CABLES2: variants seen among roughly 807,000 people sequenced by gnomAD.
CABLES2 encodes the protein CDK5 and ABL1 enzyme substrate 2.
Under a neutral mutation model 44.8 loss-of-function variants are expected in CABLES2, and 35 were observed. The observed-to-expected ratio is 0.78, with a 90% CI of 0.60 to 1.04. The LOEUF (loss-of-function observed/expected upper bound fraction) is 1.04, where lower values mean the gene tolerates loss of function less well. Ranked by LOEUF, CABLES2 falls within the 50% of genes least tolerant of loss-of-function variation. The probability of loss-of-function intolerance (pLI) is 0.00; values close to 1 mark genes in which losing one functional copy is unlikely to be tolerated. For missense variants in CABLES2, 566 were observed against 615.7 expected (o/e 0.92, Z 0.85); for synonymous variants, 282 against 281.1 (o/e 1.00, Z -0.03).
rs114213331 is a variant in CABLES2, at chr20:62,395,083, C to T, written c.528-69G>A. On this transcript the variant is annotated intron_variant, in intron 3 of 9. Coordinates refer to ENST00000279101, the MANE Select transcript of CABLES2 (RefSeq NM_031215.3). Reference sequence around the variant, plus strand: ...GCTCAAGGTACTGCTGCTTCCAGAGCTACAGACATTTCCATGGAAAATTCC... The same window carrying T: ...GCTCAAGGTACTGCTGCTTCCAGAGTTACAGACATTTCCATGGAAAATTCC... 3,346 of 1,187,912 alleles carry T rather than the reference C, an allele frequency of 2.8e-3. 64 individuals are homozygous for T. The African/African-American group carries it at 0.042, about 15-fold the overall frequency. The allele number at this position is 1,187,912 out of a possible 1,614,324, so 73.6% of individuals were successfully genotyped here. A position where few individuals can be genotyped will look rare whatever the true frequency, so the allele number is the denominator to read the frequency against.
At chr20:62,403,355 G>GT (rs1216567243) in intron 1 of CABLES2, 1 of 152,252 alleles carries the variant, frequency 6.6e-6, no homozygotes, top group Non-Finnish European at 1.5e-5. Context: ...GATGTCACAG[G>GT]TTAAGTCCTA....
chr20:62,402,267 T>G (rs6121571), intron 1 of CABLES2: 52,516 of 152,180 alleles, frequency 0.35, 10,017 homozygotes, highest in African/African-American at 0.5. Flanking sequence ...ACACTGTTTC[T>G]AGTGTTCGGT....
chr20:62,401,130 T>A (rs1188043389), intron 1 of CABLES2, among the ~76,000 whole-genome samples: 2 of 152,174 alleles, frequency 1.3e-5, no homozygotes, highest in African/African-American at 4.8e-5. Flanking sequence ...TCAGTTGGAA[T>A]GGTGGCCGCT....
chr20:62,404,459 T>A (rs1344683328), intron 1 of CABLES2: 1 of 152,264 alleles, frequency 6.6e-6, no homozygotes, highest in Non-Finnish European at 1.5e-5. Flanking sequence ...TTCAGGACTT[T>A]CAGAATTCTC....
rs1419373489 is a variant in CABLES2, at chr20:62,389,567, ATGTAT to A, written c.*1399_*1403del. On this transcript the variant is annotated 3_prime_UTR_variant, in exon 10 of 10. Coordinates refer to ENST00000279101, the MANE Select transcript of CABLES2 (RefSeq NM_031215.3). ...CACCAGTCTGCACAGAAAGCATAGG[ATGTAT>A]TGTATTAATGGGCTAGAGACAAAGT... 1.1e-4 allele frequency: 17 copies of A among 152,144 alleles called. No homozygotes were observed. Among genetic ancestry groups the A allele is most frequent in the African/African-American group, 3.9e-4 (16 of 41,414 alleles). 9.4% of individuals were successfully genotyped at this position (152,144 alleles called of 1,614,324 possible).
chr20:62,391,211 T>C lies in CABLES2; in HGVS notation c.1296+38A>G, dbSNP rs919532507. 11 of 1,603,082 alleles carry C rather than the reference T, an allele frequency of 6.9e-6. No homozygotes were observed. Among genetic ancestry groups the C allele is most frequent in the Non-Finnish European group, 9.4e-6 (11 of 1,172,854 alleles). On this transcript the variant is annotated intron_variant, in intron 9 of 9. Transcript: ENST00000279101. This position sits in a 1 kb window ranked among gnomAD's most constrained non-coding sequence, Gnocchi z 5.7. ...CAGCAGTGGCCCTGGCTCGATGTCA[T>C]GACCCTGCCTGCAGTGCCTGCCGAG...
rs760347786 is a variant in CABLES2, at chr20:62,391,041, A to G, written c.1367T>C (p.Leu456Ser). ...IGFEFTVLVA[L>S]ELALYLPENQ... ...CTCGGGAAGATACAGGGCCAGCTCC[A>G]AGGCCACGAGCACTGTGAACTCAAA... Residue 456 changes from leucine to serine, a missense_variant, in exon 10 of 10, where the codon TTG becomes TCG. Leu to Ser is a moderately radical substitution (Grantham distance 145). This residue lies in a region of CABLES2 where 436 missense variants were observed against 536.3 expected (regional missense o/e 0.81). Coordinates refer to ENST00000279101, the MANE Select transcript of CABLES2 (RefSeq NM_031215.3). The surrounding 1 kb of genome is among the most constrained non-coding windows in gnomAD (Gnocchi z 5.7). 2 of 1,614,146 alleles carry G rather than the reference A, an allele frequency of 1.2e-6. No individual in the cohort carries two copies. The highest frequency in any genetic ancestry group is 1.7e-6 in the Non-Finnish European group (2 of 1,180,024).
chr20:62,392,407 G>A lies in CABLES2; in HGVS notation c.1073C>T (p.Thr358Met), dbSNP rs1987935868. Reference protein sequence around the residue: ...FREKFPHVKLTLSKIRSLKRE... With the variant: ...FREKFPHVKLMLSKIRSLKRE... ...TCCTCACCTCCTGATTTTGCTCAGC[G>A]TCAGTTTGACATGGGGGAACTTCTC... Residue 358 changes from threonine (T) to methionine (M), a missense_variant, in exon 8 of 10, where the codon ACG becomes ATG. Around this residue, in one of 2 missense-constraint regions of CABLES2, gnomAD observed 436 missense variants for 536.3 expected, o/e 0.81. Coordinates refer to ENST00000279101, the MANE Select transcript of CABLES2 (RefSeq NM_031215.3). The A allele has an allele frequency of 2.5e-6, 4 of 1,613,882 alleles. No homozygotes were observed. The highest frequency in any genetic ancestry group is 1.6e-4 in the Middle Eastern group (1 of 6,062).
intron 1 of CABLES2, among the ~76,000 whole-genome samples, chr20:62,397,034 G>C (rs112582929): frequency 2.6e-5 from 4 of 152,144 alleles, no homozygotes; most frequent in African/African-American, 9.7e-5. Context: ...ACCATGGCAT[G>C]GGCAGGCGGG....
Position 62,407,158 on chromosome 20 carries a change from C to A in CABLES2, c.119G>T (p.Gly40Val). The A allele has an allele frequency of 9.9e-7, 1 of 1,007,846 alleles. No homozygotes were observed. The highest frequency in any genetic ancestry group is 4.4e-5 in the South Asian group (1 of 22,762). The allele number at this position is 1,007,846 out of a possible 1,614,324, so 62.4% of individuals were successfully genotyped here. The change falls in exon 1 of 10, where the codon GGG becomes GTG. Residue 40 changes from glycine to valine, a missense_variant. Gly to Val is a moderately radical substitution (Grantham distance 109). This residue lies in a region of CABLES2 where 130 missense variants were observed against 79.4 expected (regional missense o/e 1.64). Coordinates refer to ENST00000279101, the MANE Select transcript of CABLES2 (RefSeq NM_031215.3). The stretch of plus-strand genomic sequence containing the variant: ...CGCGGCCTGGCGGCGCCGCGAGTCC[C>A]CGCGCCTCCGCAGCGCCTGCGGCGG... ...RAPPQALRRR[G>V]DSRRRQAALF...
rs1987855332 is a variant in CABLES2 at position 62,388,983 on chromosome 20, T to A, written c.*1988A>T. The stretch of plus-strand genomic sequence containing the variant: ...GGCTTCACACATCACAAAGACCGGG[T>A]TGGTTAATGACTAAATCTCACTACA... On this transcript the variant is annotated 3_prime_UTR_variant, in exon 10 of 10. Coordinates refer to ENST00000279101, the MANE Select transcript of CABLES2 (RefSeq NM_031215.3). The A allele has an allele frequency of 2.5e-5, 4 of 161,814 alleles. No individual in the cohort carries two copies. Among genetic ancestry groups the A allele is most frequent in the Admixed American group, 6.0e-5 (1 of 16,740 alleles). 10.0% of individuals were successfully genotyped at this position (161,814 alleles called of 1,614,324 possible).
intron 1 of CABLES2, among the ~76,000 whole-genome samples, chr20:62,406,518 A>G (rs1391065839): frequency 3.3e-5 from 5 of 152,048 alleles, no homozygotes; most frequent in Non-Finnish European, 7.4e-5. Flanking sequence ...TTCAGGGGAC[A>G]ATGAACCCTA....
chr20:62,391,233 C>G lies in CABLES2; in HGVS notation c.1296+16G>C. ...TCATGACCCTGCCTGCAGTGCCTGC[C>G]GAGCCGGGCACTCACATCGATGAGC... is the stretch of plus-strand genomic sequence containing the variant. On this transcript the variant is annotated intron_variant, in intron 9 of 9. Transcript: ENST00000279101. This position sits in a 1 kb window ranked among gnomAD's most constrained non-coding sequence, Gnocchi z 5.7. 6.2e-7 allele frequency: 1 copy of G among 1,603,830 alleles called. No individual in the cohort carries two copies. Among genetic ancestry groups the G allele is most frequent in the Non-Finnish European group, 8.5e-7 (1 of 1,173,344 alleles).
Position 62,396,671 on chromosome 20 carries a change from G to A in CABLES2, c.363-79C>T, listed in dbSNP as rs558751904. 15 of 1,429,520 alleles carry A rather than the reference G, an allele frequency of 1.0e-5. No homozygotes were observed. In the African/African-American group the frequency reaches 1.1e-4, roughly 11 times the overall value. The allele number at this position is 1,429,520 out of a possible 1,614,324, so 88.6% of individuals were successfully genotyped here. A position where few individuals can be genotyped will look rare whatever the true frequency, so the allele number is the denominator to read the frequency against. ...TGTGGCCAGAAACCGAGTGCCGCCCGCTGTGCAGGGAAGGGCCACTCTCCA... is the reference window on the plus strand; with the variant it reads ...TGTGGCCAGAAACCGAGTGCCGCCCACTGTGCAGGGAAGGGCCACTCTCCA... On this transcript the variant is annotated intron_variant, in intron 1 of 9. Transcript: ENST00000279101. The surrounding 1 kb of genome is among the most constrained non-coding windows in gnomAD (Gnocchi z 5.7).
chr20:62,395,071 C>T, intron 3 of CABLES2, 57 bp from the exon 4 acceptor site: 2 of 1,282,218 alleles, frequency 1.6e-6, no homozygotes, highest in African/African-American at 1.5e-5. Context: ...CAAGGTACTG[C>T]TGCTTCCAGA....
At chr20:62,394,038 G>T (rs1484248668) in intron 5 of CABLES2, 119 bp downstream of exon 5, 2 of 823,792 alleles carry the variant, frequency 2.4e-6, no homozygotes, top group East Asian at 4.9e-5. Flanking sequence ...CCACCCTTGC[G>T]TTTTACGTGG....
In CABLES2 at chr20:62,394,965, G is replaced by C; in HGVS notation, c.577C>G (p.Leu193Val). ...ATCCGCAGGCCTTCCCCATAGGGCA[G>C]GACCGAGAAGGCCGCGCACAGGGAC... is the stretch of plus-strand genomic sequence containing the variant. ...KRSLCAAFSVLPYGEGLRISD... is the reference protein window; with the variant it reads ...KRSLCAAFSVVPYGEGLRISD... Residue 193 changes from leucine to valine, a missense_variant, in exon 4 of 10, where the codon CTG (leucine) becomes GTG (valine). Physicochemically the swap from Leu to Val is conservative, Grantham distance 32 (BLOSUM62 1). Transcript: ENST00000279101. The C allele has an allele frequency of 2.5e-6, 4 of 1,612,958 alleles. No homozygotes were observed. The highest frequency in any genetic ancestry group is 1.3e-5 in the African/African-American group (1 of 75,078).
chr20:62,406,728 C>T (rs1425726217), intron 1 of CABLES2, among the ~76,000 whole-genome samples, 187 bp downstream of exon 1: 1 of 150,582 alleles, frequency 6.6e-6, no homozygotes, highest in Non-Finnish European at 1.5e-5. Flanking sequence ...TGACAAGGCC[C>T]CAGGTGAACC....
At position 62,388,912 on chromosome 20, in the gene CABLES2, A is replaced by G; in HGVS notation, c.*2059T>C. 1 of 185,606 alleles carries G rather than the reference A, an allele frequency of 5.4e-6. No individual in the cohort carries two copies. Among genetic ancestry groups the G allele is most frequent in the East Asian group, 1.6e-4 (1 of 6,396 alleles). The allele number at this position is 185,606 out of a possible 1,614,324, so 11.5% of individuals were successfully genotyped here. On this transcript the variant is annotated 3_prime_UTR_variant, in exon 10 of 10. Coordinates refer to ENST00000279101, the MANE Select transcript of CABLES2 (RefSeq NM_031215.3). ...TTGCAATAATCCTCGAATACCACACAGTGGCAGCTTTTGGCATCATAAAAA... is the reference window on the plus strand; with the variant it reads ...TTGCAATAATCCTCGAATACCACACGGTGGCAGCTTTTGGCATCATAAAAA...
Sources: allele counts gnomAD v4.1 joint callset (sites outside exome capture counted in the v4.1 genomes callset), GRCh38; gene constraint gnomAD v4.1.1; regional missense constraint gnomAD v4.1.1; non-coding constraint Gnocchi (gnomAD v3.1); transcripts MANE v1.5; gene names NCBI Gene and HGNC (gene_info 2026-07-23, HGNC 2026-07-21).